Variants in PTPRK observed in about 807,000 individuals in gnomAD.
The protein encoded by PTPRK is protein tyrosine phosphatase receptor type K.
In PTPRK, 75 loss-of-function variants were observed where a neutral mutation model predicts 178.0. That is an observed-to-expected ratio of 0.42 (90% CI 0.35 to 0.51). The LOEUF (loss-of-function observed/expected upper bound fraction) is 0.51. PTPRK is among the 20% of genes least tolerant of loss of function. PTPRK has a pLI of 0.02. For synonymous variants in PTPRK, 637 were observed against 620.6 expected (o/e 1.03, Z -0.39); for missense variants, 1,441 against 1,797.8 (o/e 0.80, Z 3.59).
At chr6:128,053,229 A>C (rs1032813836) in intron 13 of PTPRK, among the ~76,000 whole-genome samples, 1 of 149,752 alleles carries the variant, frequency 6.7e-6, no homozygotes. Context: ...TTCTCCCTGC[A>C]CCCCCACACC....
chr6:128,319,029 CAGTT>C (rs1414949339), intron 3 of PTPRK, among the ~76,000 whole-genome samples: 3 of 152,208 alleles, frequency 2.0e-5, no homozygotes, highest in Non-Finnish European at 4.4e-5. Flanking sequence ...AGGTGAAAAA[CAGTT>C]TGTTCCTTAT....
At chr6:128,075,702 A>T (rs1489698315) in intron 11 of PTPRK, among the ~76,000 whole-genome samples, 1 of 152,046 alleles carries the variant, frequency 6.6e-6, no homozygotes, top group Non-Finnish European at 1.5e-5. Context: ...AATTTATAGA[A>T]TCCATTGGCG....
intron 3 of PTPRK, among the ~76,000 whole-genome samples, chr6:128,288,869 A>G (rs1463012936): frequency 6.6e-6 from 1 of 152,090 alleles, no homozygotes; most frequent in Non-Finnish European, 1.5e-5. Context: ...GCACTTTTAA[A>G]TTTAAAAGTA....
At chr6:128,283,105 G>A (rs975038749) in intron 3 of PTPRK, among the ~76,000 whole-genome samples, 5 of 152,144 alleles carry the variant, frequency 3.3e-5, no homozygotes, top group African/African-American at 7.2e-5. Context: ...ATTTCTCCAG[G>A]AAGGTGAGGA....
chr6:128,024,459 T>A (rs908274758), intron 13 of PTPRK, among the ~76,000 whole-genome samples: 2 of 152,190 alleles, frequency 1.3e-5, no homozygotes, highest in African/African-American at 4.8e-5. Flanking sequence ...TTATGATAAA[T>A]GTAAATTTAG....
At chr6:128,018,133 C>T (rs764628197) in intron 13 of PTPRK, among the ~76,000 whole-genome samples, 5 of 151,700 alleles carry the variant, frequency 3.3e-5, no homozygotes, top group Admixed American at 1.3e-4. Flanking sequence ...AGGTCTGGAG[C>T]GAATCAAGGG....
intron 3 of PTPRK, among the ~76,000 whole-genome samples, chr6:128,302,104 A>G (rs897145043): frequency 6.6e-6 from 1 of 152,056 alleles, no homozygotes; most frequent in Non-Finnish European, 1.5e-5. Context: ...AAGCCAGGAA[A>G]CGGGCCGGGT....
chr6:128,046,490 G>A (rs1778049140), intron 13 of PTPRK, among the ~76,000 whole-genome samples: 1 of 152,074 alleles, frequency 6.6e-6, no homozygotes, highest in South Asian at 2.1e-4. Flanking sequence ...GTTTCTGAAT[G>A]GCTAGGCGAA....
chr6:128,095,009 G>T (rs1372867430), intron 7 of PTPRK, among the ~76,000 whole-genome samples: 1 of 151,714 alleles, frequency 6.6e-6, no homozygotes, highest in Non-Finnish European at 1.5e-5. Flanking sequence ...AAGGGAAGGT[G>T]GTGTTAAGCA....
At chr6:128,371,537 C>A (rs1343327980) in intron 2 of PTPRK, among the ~76,000 whole-genome samples, 1 of 152,202 alleles carries the variant, frequency 6.6e-6, no homozygotes, top group Non-Finnish European at 1.5e-5. Context: ...GTCATTCTCA[C>A]ACTTCATCAG....
intron 1 of PTPRK, among the ~76,000 whole-genome samples, chr6:128,479,570 G>A (rs1292597475): frequency 6.6e-6 from 1 of 152,076 alleles, no homozygotes. Flanking sequence ...TGCAATAGGA[G>A]TATTAAGAAA....
chr6:128,053,499 C>T (rs138015026), intron 13 of PTPRK, among the ~76,000 whole-genome samples: 4 of 152,196 alleles, frequency 2.6e-5, no homozygotes, highest in Admixed American at 6.5e-5. Context: ...CCATGCTATG[C>T]GTCCCTGACA....
At chr6:128,139,115 CAGG>C (rs1795417837) in intron 7 of PTPRK, among the ~76,000 whole-genome samples, 1 of 151,912 alleles carries the variant, frequency 6.6e-6, no homozygotes. Flanking sequence ...ATATGTCTAG[CAGG>C]AGTTTATGAT....
intron 3 of PTPRK, among the ~76,000 whole-genome samples, chr6:128,296,478 G>A (rs2128309127): frequency 6.6e-6 from 1 of 152,282 alleles, no homozygotes. Context: ...CATAGAGAAA[G>A]GTTGGGTTAT....
At chr6:128,438,307 C>G (rs1210932700) in intron 1 of PTPRK, among the ~76,000 whole-genome samples, 1 of 152,232 alleles carries the variant, frequency 6.6e-6, no homozygotes, top group Admixed American at 6.5e-5. Flanking sequence ...CAACCCTTGG[C>G]TCTTCATTCT....
intron 1 of PTPRK, among the ~76,000 whole-genome samples, chr6:128,510,304 A>G (rs2128442754): frequency 6.6e-6 from 1 of 152,352 alleles, no homozygotes; most frequent in East Asian, 1.9e-4. Flanking sequence ...CATGTGATTA[A>G]GACAGCCTGG....
intron 15 of PTPRK, chr6:128,004,849 A>T: frequency 2.3e-6 from 1 of 443,920 alleles, no homozygotes. Context: ...TGTTTGGAAT[A>T]TCCCTTGTGA....
rs74471417 is a variant in PTPRK at position 128,341,355 on chromosome 6, T to C, written c.224-19045A>G. 9.6e-3 allele frequency among the ~76,000 whole-genome samples: 1,469 copies of C among 152,278 alleles called. 26 individuals carry two copies. Among genetic ancestry groups the C allele is most frequent in the African/African-American group, 0.033 (1,381 of 41,574 alleles). On this transcript the variant is annotated intron_variant, in intron 2 of 29. Coordinates refer to ENST00000368226, the MANE Select transcript of PTPRK (RefSeq NM_002844.4). ...TAACTCAGATAATTCTGCATTCACA[T>C]TGTAGTTTGAAAAGCATTTCCTTCA... is the stretch of plus-strand genomic sequence containing the variant.
chr6:128,065,016 A>G (rs367885275), intron 12 of PTPRK, among the ~76,000 whole-genome samples: 1 of 152,184 alleles, frequency 6.6e-6, no homozygotes, highest in African/African-American at 2.4e-5. Context: ...AGAGATGTAA[A>G]TATTTGTTTT....
Sources: gnomAD v4.1 joint callset for allele counts (sites outside exome capture counted in the v4.1 genomes callset) on GRCh38, gnomAD v4.1.1 for gene constraint, MANE v1.5 for transcripts, NCBI Gene and HGNC (gene_info 2026-07-23, HGNC 2026-07-21) for gene names.